NDUFAF6: variants seen among roughly 807,000 people sequenced by gnomAD.
NDUFAF6 encodes NADH:ubiquinone oxidoreductase complex assembly factor 6.
NDUFAF6 carries 45 observed loss-of-function variants against 40.8 expected under a neutral mutation model. The observed-to-expected ratio is 1.10, with a 90% CI of 0.87 to 1.42. The LOEUF (loss-of-function observed/expected upper bound fraction) is 1.42, where lower values mean the gene tolerates loss of function less well. Among genes scored for constraint, NDUFAF6 ranks in the 40% most tolerant of loss-of-function variants. NDUFAF6 has a pLI of 0.00. For synonymous variants in NDUFAF6, 185 were observed against 155.9 expected, an observed-to-expected ratio of 1.19 and a Z score of -1.39; for missense variants, 435 against 418.5, an observed-to-expected ratio of 1.04 and a Z score of -0.34.
At chr8:95,102,581 C>T (rs1809684004) in intron 2 of NDUFAF6, among the ~76,000 whole-genome samples, 1 of 152,122 alleles carries the variant, frequency 6.6e-6, no homozygotes, top group South Asian at 2.1e-4. Flanking sequence ...GAAATCTATT[C>T]CCTGGAACTT....
chr8:95,024,731 T>A (rs537167795), upstream of NDUFAF6, among the ~76,000 whole-genome samples: 89 of 152,240 alleles, frequency 5.8e-4, 2 homozygotes, highest in South Asian at 0.018. Flanking sequence ...TCACTTCTTG[T>A]AGGTGCTCTG....
At chr8:94,944,552 T>G (rs1431743542) in intron 1 of NDUFAF6, among the ~76,000 whole-genome samples, 1 of 152,196 alleles carries the variant, frequency 6.6e-6, no homozygotes, top group East Asian at 1.9e-4. Flanking sequence ...CCTCCAGATG[T>G]CCCATATCTC....
At chr8:94,987,749 A>C (rs949757540) in intron 2 of NDUFAF6, among the ~76,000 whole-genome samples, 1 of 152,188 alleles carries the variant, frequency 6.6e-6, no homozygotes, top group African/African-American at 2.4e-5. Context: ...GATGAATTGC[A>C]AAAAACTAAT....
rs560845102 is a variant in NDUFAF6, at chr8:95,046,894, A to G, written c.581-100A>G. Reference sequence around the variant, plus strand: ...GTTTTTCAGATGTAAAACAGGATAAATGTCTCCTTTTACATGTTTAGGTTA... The same window carrying G: ...GTTTTTCAGATGTAAAACAGGATAAGTGTCTCCTTTTACATGTTTAGGTTA... On this transcript the variant is annotated intron_variant, in intron 5 of 8. Coordinates refer to ENST00000396124, the MANE Select transcript of NDUFAF6 (RefSeq NM_152416.4). 2.6e-6 allele frequency: 4 copies of G among 1,514,316 alleles called. No homozygotes were observed. The East Asian group carries it at 9.1e-5, about 34-fold the overall frequency. 93.8% of individuals were successfully genotyped at this position (1,514,316 alleles called of 1,614,324 possible).
At chr8:95,075,354 A>AAAATACATT (rs1832996824) in intron 9 of NDUFAF6, among the ~76,000 whole-genome samples, 1 of 152,226 alleles carries the variant, frequency 6.6e-6, no homozygotes, top group Admixed American at 6.5e-5. Context: ...TATTAAGAAA[A>AAAATACATT]AAATACATTA....
At position 95,007,014 on chromosome 8, in the gene NDUFAF6, G is replaced by A. The variant is rs193104891; in HGVS notation, c.-83-24981G>A. 2.5e-3 allele frequency among the ~76,000 whole-genome samples: 377 copies of A among 150,136 alleles called. 4 individuals carry two copies. The highest frequency in any genetic ancestry group is 8.8e-3 in the African/African-American group (359 of 40,956). ...AAGGGCAAAAAAAAAAAAAGCATAC[G>A]TTGAATTTTCATTGCAAACATACAA... On this transcript the variant is annotated intron_variant, in intron 2 of 9. Coordinates refer to the NDUFAF6 transcript ENST00000396111.
At chr8:95,003,933 A>G (rs968368251) in intron 2 of NDUFAF6, among the ~76,000 whole-genome samples, 5 of 152,230 alleles carry the variant, frequency 3.3e-5, no homozygotes, top group Admixed American at 1.3e-4. Flanking sequence ...TCCAAGCTGT[A>G]ACCTCCAGAA....
At chr8:95,032,663 C>G (rs1828994978) in intron 2 of NDUFAF6, among the ~76,000 whole-genome samples, 1 of 152,022 alleles carries the variant, frequency 6.6e-6, no homozygotes, top group South Asian at 2.1e-4. Context: ...AGAGTGAAAA[C>G]TGGAACAGCC....
At chr8:94,946,948 C>A (rs796539903) in intron 2 of NDUFAF6, among the ~76,000 whole-genome samples, 12 of 152,124 alleles carry the variant, frequency 7.9e-5, no homozygotes, top group African/African-American at 2.9e-4. Context: ...CATTTAGCAT[C>A]GCTGCATTTG....
rs1288044288 is a variant in NDUFAF6, at chr8:95,047,001, G to A, written c.588G>A (p.Lys196=). 5.6e-6 allele frequency: 9 copies of A among 1,614,062 alleles called. No homozygotes were observed. In the South Asian group the frequency reaches 9.9e-5, roughly 18 times the overall value. The change falls in exon 6 of 9, where the codon AAG becomes AAA. Residue 196 remains lysine, a synonymous_variant. Transcript: ENST00000396124. ...LYLTLEILGI[K]DLHADHAASH... is the part of the protein sequence containing the mutation. ...TAATTTCTGAAATCATAGGTATAAA[G>A]GATCTTCATGCAGATCATGCTGCAA...
exon 10 of NDUFAF6, chr8:95,076,001 G>A (rs1587242099): frequency 4.1e-6 from 1 of 241,266 alleles, no homozygotes; most frequent in East Asian, 1.1e-4. Flanking sequence ...TCTCTAAAGA[G>A]TGGTGACTCA....
intron 1 of NDUFAF6, among the ~76,000 whole-genome samples, chr8:94,908,516 T>A (rs566659489): frequency 5.9e-4 from 90 of 152,244 alleles, no homozygotes; most frequent in South Asian, 1.7e-3. Context: ...ACTACAGGAA[T>A]GCACCCTCTT....
intron 1 of NDUFAF6, among the ~76,000 whole-genome samples, chr8:94,912,631 C>T (rs559972771): frequency 2.0e-3 from 305 of 149,588 alleles, no homozygotes; most frequent in Admixed American, 5.3e-3. Flanking sequence ...CCTGTCTCTA[C>T]TAAAAAAAAA....
chr8:94,897,168 G>C (rs967548451), intron 1 of NDUFAF6, among the ~76,000 whole-genome samples: 3 of 152,206 alleles, frequency 2.0e-5, no homozygotes, highest in Admixed American at 6.5e-5. Context: ...CTGAAAACCA[G>C]TATGTCGAGT....
At chr8:94,914,103 CTTTTTTTTTTTT>C (rs563687562) in intron 1 of NDUFAF6, among the ~76,000 whole-genome samples, 3 of 98,198 alleles carry the variant, frequency 3.1e-5, no homozygotes, top group Non-Finnish European at 4.0e-5. Context: ...GACCTTATCT[CTTTTTTTTTTTT>C]TTTTTTTTTT....
At chr8:95,036,948 C>T (rs111388351) in intron 3 of NDUFAF6, among the ~76,000 whole-genome samples, 1,845 of 152,306 alleles carry the variant, frequency 0.012, 44 homozygotes, top group African/African-American at 0.041. Context: ...GTTCTCTATC[C>T]TTCCCCATTC....
downstream of NDUFAF6, chr8:95,078,662 A>ATATAC (rs1554689343): frequency 8.3e-6 from 1 of 121,052 alleles, no homozygotes; most frequent in Non-Finnish European, 1.7e-5. Context: ...AAAAAAAAAA[A>ATATAC]ATATATATAT....
intron 2 of NDUFAF6, chr8:95,034,200 A>G (rs959564178): frequency 8.0e-6 from 3 of 375,798 alleles, no homozygotes; most frequent in Non-Finnish European, 1.6e-5. Context: ...CTACATATGT[A>G]TATATACACA....
At chr8:95,016,704 T>G (rs1460899406) in intron 2 of NDUFAF6, among the ~76,000 whole-genome samples, 1 of 152,116 alleles carries the variant, frequency 6.6e-6, no homozygotes, top group Non-Finnish European at 1.5e-5. Context: ...ATTGCGCCAT[T>G]GCACTCCAGC....
Sources: allele counts gnomAD v4.1 joint callset (sites outside exome capture counted in the v4.1 genomes callset), GRCh38; gene constraint gnomAD v4.1.1; transcripts MANE v1.5; gene names NCBI Gene and HGNC (gene_info 2026-07-23, HGNC 2026-07-21).